Variants in CDC16 observed in about 807,000 individuals in gnomAD.
The protein encoded by CDC16 is cell division cycle 16.
Under a neutral mutation model 87.0 loss-of-function variants are expected in CDC16, and 34 were observed. The observed-to-expected ratio is 0.39, with a 90% CI of 0.30 to 0.52. The LOEUF is 0.52. Ranked by LOEUF, CDC16 falls within the 20% of genes least tolerant of loss-of-function variation. The pLI is 0.74. For missense variants in CDC16, 653 were observed against 751.9 expected (o/e 0.87, Z 1.54); for synonymous variants, 263 against 260.6 (o/e 1.01, Z -0.09).
intron 5 of CDC16, 149 bp from the exon 6 acceptor site, chr13:114,241,972 A>G: frequency 1.2e-6 from 1 of 804,776 alleles, no homozygotes; most frequent in Non-Finnish European, 1.9e-6. Context: ...GTCATTTGAG[A>G]TCATAGGAGT....
chr13:114,235,013 G>C lies in CDC16; in HGVS notation c.-72G>C. The C allele has an allele frequency of 2.5e-6, 3 of 1,184,360 alleles. No individual in the cohort carries two copies. The highest frequency in any genetic ancestry group is 1.1e-6 in the Non-Finnish European group (1 of 938,318). 73.4% of individuals were successfully genotyped at this position (1,184,360 alleles called of 1,614,324 possible). On this transcript the variant is annotated 5_prime_UTR_variant, in exon 1 of 18. Coordinates refer to ENST00000356221, the MANE Select transcript of CDC16 (RefSeq NM_001078645.3). ...GCTGCAGGCACGGGCACGGGCACGG[G>C]GCGGGGTGCTTAGGGTGCAGGAGGC...
At chr13:114,236,046 C>G (rs1232364938) in intron 1 of CDC16, among the ~76,000 whole-genome samples, 1 of 152,190 alleles carries the variant, frequency 6.6e-6, no homozygotes, top group Non-Finnish European at 1.5e-5. Context: ...AGACTGAGGA[C>G]TGAGGAGCAG....
In CDC16 at chr13:114,257,566, T is replaced by C. The variant is rs17338145; in HGVS notation, c.1250+336T>C. Among the ~76,000 whole-genome samples, 1,314 of 152,290 alleles carry C rather than the reference T, an allele frequency of 8.6e-3. 15 individuals carry two copies. The highest frequency in any genetic ancestry group is 0.029 in the African/African-American group (1,223 of 41,552). On this transcript the variant is annotated intron_variant, in intron 13 of 17. Coordinates refer to ENST00000356221, the MANE Select transcript of CDC16 (RefSeq NM_001078645.3). Reference sequence around the variant, plus strand: ...TGATAAGGAGTTGAATTTACGTATTTGAGAAGAATTTGACATGGTTTTTGA... The same window carrying C: ...TGATAAGGAGTTGAATTTACGTATTCGAGAAGAATTTGACATGGTTTTTGA...
chr13:114,240,558 G>C (rs557847041), intron 5 of CDC16, among the ~76,000 whole-genome samples: 2 of 152,176 alleles, frequency 1.3e-5, no homozygotes, highest in Admixed American at 6.5e-5. Context: ...GGGTCTCACT[G>C]TGTTGCCCAG....
intron 17 of CDC16, among the ~76,000 whole-genome samples, chr13:114,266,607 G>A (rs975427357): frequency 6.6e-6 from 1 of 152,038 alleles, no homozygotes; most frequent in Admixed American, 6.6e-5. Flanking sequence ...CCTGGGTTTC[G>A]TTTCCTGCTC....
rs2081776741 is a variant in CDC16 at position 114,244,985 on chromosome 13, A to T, written c.847+16A>T. 6.4e-6 allele frequency: 9 copies of T among 1,403,300 alleles called. No individual in the cohort carries two copies. The highest frequency in any genetic ancestry group is 2.4e-5 in the South Asian group (2 of 81,706). The allele number at this position is 1,403,300 out of a possible 1,614,324, so 86.9% of individuals were successfully genotyped here. On this transcript the variant is annotated intron_variant, in intron 9 of 17. Transcript: ENST00000356221. ...AAAGCCAATGGTAAGACTTTTTTTT[A>T]AATTAAAGTAATTCTTAGACATAAA...
chr13:114,268,123 G>A (rs895217726), intron 17 of CDC16, among the ~76,000 whole-genome samples: 5 of 151,710 alleles, frequency 3.3e-5, no homozygotes, highest in African/African-American at 9.8e-5. Context: ...GTCCCGAGTT[G>A]GAAAAGGGAA....
chr13:114,257,325 T>A, intron 13 of CDC16, 95 bp downstream of exon 13: 1 of 743,562 alleles, frequency 1.3e-6, no homozygotes. Context: ...GACTCTTCAG[T>A]AGATTTGTAC....
chr13:114,236,063 G>C (rs1046023671), intron 1 of CDC16, among the ~76,000 whole-genome samples: 2 of 152,222 alleles, frequency 1.3e-5, no homozygotes, highest in African/African-American at 4.8e-5. Context: ...GCAGAACAGG[G>C]TCTAAAGCTA....
At chr13:114,255,262 C>T (rs183879044) in intron 12 of CDC16, among the ~76,000 whole-genome samples, 47 of 152,222 alleles carry the variant, frequency 3.1e-4, no homozygotes, top group African/African-American at 1.1e-3. Flanking sequence ...GGTGTATATA[C>T]TTATATCATT....
chr13:114,249,332 C>CTT (rs76466651), intron 11 of CDC16, among the ~76,000 whole-genome samples: 70 of 147,118 alleles, frequency 4.8e-4, no homozygotes, highest in African/African-American at 1.6e-3. Context: ...ACAGATTAAG[C>CTT]TTTTTTTTTT....
At chr13:114,249,376 C>T (rs1177839983) in intron 11 of CDC16, among the ~76,000 whole-genome samples, 1 of 151,436 alleles carries the variant, frequency 6.6e-6, no homozygotes, top group Non-Finnish European at 1.5e-5. Context: ...ACATATGAAG[C>T]TTTACTCACC....
In CDC16 at chr13:114,236,906, G is replaced by T. The variant is rs1594543981; in HGVS notation, c.201+10G>T. On this transcript the variant is annotated intron_variant, in intron 3 of 17. Coordinates refer to ENST00000356221, the MANE Select transcript of CDC16 (RefSeq NM_001078645.3). ...ACGAAAACTGGACAAAGTAAGTGAT[G>T]GTATGAACTTTAAAGCTCTTCAGAG... 1 of 1,539,252 alleles carries T rather than the reference G, an allele frequency of 6.5e-7. No individual in the cohort carries two copies. Among genetic ancestry groups the T allele is most frequent in the Admixed American group, 2.1e-5 (1 of 48,750 alleles).
At chr13:114,243,136 A>G in intron 6 of CDC16, 121 bp from the exon 7 acceptor site, 1 of 598,442 alleles carries the variant, frequency 1.7e-6, no homozygotes, top group Non-Finnish European at 3.1e-6. Context: ...TTTTGATCTT[A>G]TGTTCTCTTT....
At chr13:114,251,784 C>G (rs1039850890) in intron 12 of CDC16, among the ~76,000 whole-genome samples, 8 of 152,218 alleles carry the variant, frequency 5.3e-5, no homozygotes, top group African/African-American at 1.9e-4. Flanking sequence ...GAGTCTCTTC[C>G]TGGTTTGTAG....
chr13:114,268,057 G>C (rs2083357378), intron 17 of CDC16, among the ~76,000 whole-genome samples: 1 of 152,178 alleles, frequency 6.6e-6, no homozygotes, highest in Admixed American at 6.5e-5. Flanking sequence ...TGTCACCAGA[G>C]TGTCCCCAGC....
chr13:114,235,044 C>G lies in CDC16; in HGVS notation c.-41C>G. On this transcript the variant is annotated 5_prime_UTR_variant, in exon 1 of 18. Coordinates refer to ENST00000356221, the MANE Select transcript of CDC16 (RefSeq NM_001078645.3). ...GTGCTTAGGGTGCAGGAGGCGCGCG[C>G]CTAGCGGCGGAGTGTGGCGTGAGGC... The G allele has an allele frequency of 3.2e-6, 4 of 1,246,964 alleles. No homozygotes were observed. The South Asian group carries it at 1.0e-4, about 32-fold the overall frequency. 77.2% of individuals were successfully genotyped at this position (1,246,964 alleles called of 1,614,324 possible).
chr13:114,265,669 A>G lies in CDC16; in HGVS notation c.1603+429A>G, dbSNP rs534165431. Among the ~76,000 whole-genome samples, 22 of 152,332 alleles carry G rather than the reference A, an allele frequency of 1.4e-4. No homozygotes were observed. In the South Asian group the frequency reaches 4.6e-3, roughly 32 times the overall value. On this transcript the variant is annotated intron_variant, in intron 17 of 17. Transcript: ENST00000356221. ...GATGCCATACATTTCCATAACAGTG[A>G]ATAAGTAATAGTATAAGTTTGGATG...
intron 17 of CDC16, among the ~76,000 whole-genome samples, chr13:114,266,005 G>A (rs1331571916): frequency 6.6e-6 from 1 of 152,162 alleles, no homozygotes; most frequent in Non-Finnish European, 1.5e-5. Flanking sequence ...AGTAGAGACT[G>A]GTCTTCTCCA....
Sources: allele counts gnomAD v4.1 joint callset (sites outside exome capture counted in the v4.1 genomes callset), GRCh38; gene constraint gnomAD v4.1.1; transcripts MANE v1.5; gene names NCBI Gene and HGNC (gene_info 2026-07-23, HGNC 2026-07-21).